PTPRD: variants seen among roughly 807,000 people sequenced by gnomAD.
PTPRD encodes the protein receptor-type tyrosine-protein phosphatase delta.
In PTPRD, 34 loss-of-function variants were observed where a neutral mutation model predicts 214.5. That is an observed-to-expected ratio of 0.16 (90% CI 0.12 to 0.21). The LOEUF is 0.21. Ranked by LOEUF, PTPRD falls within the 10% of genes least tolerant of loss-of-function variation. PTPRD has a pLI of 1.00. For synonymous variants in PTPRD, 1,128 were observed against 845.7 expected (o/e 1.33, Z -5.79); for missense variants, 2,545 against 2,398.7 (o/e 1.06, Z -1.27).
intron 3 of PTPRD, among the ~76,000 whole-genome samples, chr9:10,127,515 A>C (rs1363559444): frequency 6.6e-6 from 1 of 152,210 alleles, no homozygotes; most frequent in East Asian, 1.9e-4. Flanking sequence ...CTCAGCTTTA[A>C]ATTCAAATCC....
intron 14 of PTPRD, among the ~76,000 whole-genome samples, chr9:8,552,706 T>C (rs895506320): frequency 3.9e-5 from 6 of 152,290 alleles, no homozygotes; most frequent in African/African-American, 1.2e-4. Context: ...AGAAGCCAAA[T>C]GCAACCCCAA....
At chr9:9,042,342 C>T (rs532627621) in intron 10 of PTPRD, among the ~76,000 whole-genome samples, 13 of 152,274 alleles carry the variant, frequency 8.5e-5, no homozygotes, top group Non-Finnish European at 4.4e-5. Context: ...TCTAGGTCAA[C>T]CACTATGGCT....
chr9:9,874,215 G>A (rs7031251), intron 5 of PTPRD, among the ~76,000 whole-genome samples: 2,564 of 152,244 alleles, frequency 0.017, 74 homozygotes, highest in African/African-American at 0.058. Flanking sequence ...AGTGAGACAG[G>A]AGGCCGAAGA....
chr9:10,025,773 T>C (rs1434627650), intron 4 of PTPRD, among the ~76,000 whole-genome samples: 1 of 152,154 alleles, frequency 6.6e-6, no homozygotes, highest in Non-Finnish European at 1.5e-5. Context: ...TTTAAAGAAA[T>C]TTGAGGTGTA....
At chr9:9,159,514 C>T (rs1166426570) in intron 10 of PTPRD, among the ~76,000 whole-genome samples, 1 of 151,948 alleles carries the variant, frequency 6.6e-6, no homozygotes, top group Non-Finnish European at 1.5e-5. Flanking sequence ...GGTGAAAGAT[C>T]TGTATACTGA....
At chr9:8,546,084 A>G (rs1593310501) in intron 14 of PTPRD, among the ~76,000 whole-genome samples, 1 of 152,216 alleles carries the variant, frequency 6.6e-6, no homozygotes, top group East Asian at 1.9e-4. Flanking sequence ...CCGACCACAT[A>G]GTGTTGCTTT....
At chr9:9,787,335 G>A (rs995291698) in intron 5 of PTPRD, among the ~76,000 whole-genome samples, 22 of 150,718 alleles carry the variant, frequency 1.5e-4, no homozygotes, top group African/African-American at 4.9e-4. Flanking sequence ...TCCAGGTAAA[G>A]GTCCAATTGG....
chr9:8,366,783 G>T (rs945213808), intron 39 of PTPRD, among the ~76,000 whole-genome samples: 1 of 152,198 alleles, frequency 6.6e-6, no homozygotes, highest in African/African-American at 2.4e-5. Flanking sequence ...AATGCTGGAC[G>T]TCATACCAAG....
chr9:9,068,213 A>T (rs1419329994), intron 10 of PTPRD, among the ~76,000 whole-genome samples: 2 of 152,146 alleles, frequency 1.3e-5, no homozygotes, highest in Non-Finnish European at 2.9e-5. Context: ...CTAGCCCATG[A>T]AATGGTGTAT....
chr9:10,499,518 T>C (rs932551061), intron 2 of PTPRD, among the ~76,000 whole-genome samples: 8 of 151,982 alleles, frequency 5.3e-5, no homozygotes, highest in Admixed American at 3.3e-4. Context: ...GTGAGGCTGC[T>C]GTCAAATGTG....
At chr9:10,015,225 T>C (rs765131330) in intron 4 of PTPRD, among the ~76,000 whole-genome samples, 8 of 152,180 alleles carry the variant, frequency 5.3e-5, no homozygotes, top group Non-Finnish European at 1.2e-4. Context: ...ACCAGCTTTT[T>C]CATTGGTTTA....
intron 5 of PTPRD, among the ~76,000 whole-genome samples, chr9:9,771,644 T>G (rs1012234185): frequency 1.3e-5 from 2 of 152,214 alleles, no homozygotes; most frequent in Non-Finnish European, 2.9e-5. Flanking sequence ...AACTTTTAAC[T>G]TCATTTTAAA....
intron 10 of PTPRD, among the ~76,000 whole-genome samples, chr9:9,175,371 C>G (rs560800576): frequency 6.6e-6 from 1 of 151,854 alleles, no homozygotes; most frequent in South Asian, 2.1e-4. Context: ...GCTTGTAATC[C>G]CAGCACTTTG....
intron 4 of PTPRD, among the ~76,000 whole-genome samples, chr9:9,961,131 A>G (rs1227728012): frequency 6.6e-6 from 1 of 152,178 alleles, no homozygotes; most frequent in Non-Finnish European, 1.5e-5. Context: ...AATTACTGAT[A>G]TCACTTGTAT....
intron 14 of PTPRD, among the ~76,000 whole-genome samples, chr9:8,558,269 C>G (rs1564332737): frequency 6.6e-6 from 1 of 152,176 alleles, no homozygotes; most frequent in Non-Finnish European, 1.5e-5. Flanking sequence ...TTTTCTTCCT[C>G]TATATCTTCT....
At chr9:9,519,927 G>A (rs935528262) in intron 8 of PTPRD, among the ~76,000 whole-genome samples, 1 of 152,042 alleles carries the variant, frequency 6.6e-6, no homozygotes, top group Non-Finnish European at 1.5e-5. Context: ...TAAAGTTACT[G>A]TCATGAAGAC....
intron 11 of PTPRD, among the ~76,000 whole-genome samples, chr9:8,786,402 CTTTTTTTTTTT>C (rs36018689): frequency 4.5e-5 from 3 of 66,996 alleles, no homozygotes; most frequent in Non-Finnish European, 8.0e-5. Flanking sequence ...GTTTGGAGTT[CTTTTTTTTTTT>C]TTTTTTTTTT....
chr9:9,891,716 T>C (rs2073404965), intron 5 of PTPRD, among the ~76,000 whole-genome samples: 1 of 152,088 alleles, frequency 6.6e-6, no homozygotes, highest in Non-Finnish European at 1.5e-5. Flanking sequence ...AGTTGAGAAA[T>C]ATTGAGATGT....
chr9:8,740,311 A>G (rs1410450081), intron 11 of PTPRD, among the ~76,000 whole-genome samples: 1 of 152,190 alleles, frequency 6.6e-6, no homozygotes, highest in Non-Finnish European at 1.5e-5. Context: ...ACTTCATTGT[A>G]TTTCTCACTA....
Sources: gnomAD v4.1 joint callset for allele counts (sites outside exome capture counted in the v4.1 genomes callset) on GRCh38, gnomAD v4.1.1 for gene constraint, MANE v1.5 for transcripts, NCBI Gene and HGNC (gene_info 2026-07-23, HGNC 2026-07-21) for gene names.